Variants in GPC6 observed in about 807,000 individuals in gnomAD.
The protein encoded by GPC6 is glypican-6.
In GPC6, 14 loss-of-function variants were observed where a neutral mutation model predicts 55.2. The observed-to-expected ratio is 0.25, with a 90% CI of 0.17 to 0.40. The LOEUF is 0.40. Among genes scored for constraint, GPC6 ranks in the 10% least tolerant of loss-of-function variants. GPC6 has a pLI of 1.00. For missense variants in GPC6, 641 were observed against 708.5 expected (o/e 0.90, Z 1.08); for synonymous variants, 278 against 259.6 (o/e 1.07, Z -0.68).
intron 1 of GPC6, among the ~76,000 whole-genome samples, chr13:93,381,931 T>A (rs1308926679): frequency 6.6e-6 from 1 of 152,168 alleles, no homozygotes; most frequent in Non-Finnish European, 1.5e-5. Flanking sequence ...AGTATGTTAC[T>A]TTTTAAGATT....
At chr13:93,362,583 G>A (rs1440651613) in intron 1 of GPC6, among the ~76,000 whole-genome samples, 1 of 152,064 alleles carries the variant, frequency 6.6e-6, no homozygotes, top group Non-Finnish European at 1.5e-5. Context: ...CTCGAGTACT[G>A]TCAGGCACTT....
chr13:93,889,092 A>G (rs1875510129), intron 3 of GPC6, among the ~76,000 whole-genome samples: 1 of 152,186 alleles, frequency 6.6e-6, no homozygotes, highest in Admixed American at 6.6e-5. Context: ...TATACTTCTT[A>G]TCACTTTTTA....
chr13:93,636,441 G>A lies in GPC6; in HGVS notation c.319+91020G>A, dbSNP rs74111515. Among the ~76,000 whole-genome samples, 420 of 152,296 alleles carry A rather than the reference G, an allele frequency of 2.8e-3. 3 individuals carry two copies. Among genetic ancestry groups the A allele is most frequent in the African/African-American group, 9.3e-3 (387 of 41,576 alleles). ...ACAGAATTAATCACAAGGAACTGTCGTAGAATGCATGATCACATATCCCTG... is the reference window on the plus strand; with the variant it reads ...ACAGAATTAATCACAAGGAACTGTCATAGAATGCATGATCACATATCCCTG... On this transcript the variant is annotated intron_variant, in intron 2 of 8. Coordinates refer to ENST00000377047, the MANE Select transcript of GPC6 (RefSeq NM_005708.5).
At chr13:94,319,952 A>G (rs1427401295) in intron 6 of GPC6, among the ~76,000 whole-genome samples, 2 of 152,186 alleles carry the variant, frequency 1.3e-5, no homozygotes, top group African/African-American at 4.8e-5. Flanking sequence ...ATGTCTTCAA[A>G]TATTGCTTCA....
intron 3 of GPC6, among the ~76,000 whole-genome samples, chr13:93,882,493 T>C (rs1322385460): frequency 4.6e-5 from 7 of 152,094 alleles, no homozygotes; most frequent in Non-Finnish European, 8.8e-5. Context: ...ATTGTTTATA[T>C]CATACATTAG....
At chr13:93,621,883 C>T (rs1200189425) in intron 2 of GPC6, among the ~76,000 whole-genome samples, 2 of 152,172 alleles carry the variant, frequency 1.3e-5, no homozygotes, top group Non-Finnish European at 2.9e-5. Context: ...TTTCAGTCCT[C>T]TCTTCTGGCA....
rs138240935 is a variant in GPC6, at chr13:93,947,847, G to T, written c.712-79882G>T. On this transcript the variant is annotated intron_variant, in intron 3 of 8. Transcript: ENST00000377047. ...TTTGAGAATTAGCTGGGTCTTAAAA[G>T]AATCTCTTTGTTTCAGCAGAAAATA... Among the ~76,000 whole-genome samples the T allele has an allele frequency of 3.2e-3, 479 of 151,990 alleles. 1 individual carries two copies. The highest frequency in any genetic ancestry group is 0.011 in the African/African-American group (450 of 41,466).
At chr13:93,828,666 T>TAATCCCACAGTTTTTGC (rs1239800528) in intron 2 of GPC6, among the ~76,000 whole-genome samples, 2 of 152,120 alleles carry the variant, frequency 1.3e-5, no homozygotes, top group African/African-American at 4.8e-5. Flanking sequence ...ACAGTATTTG[T>TAATCCCACAGTTTTTGC]AATCCCACAG....
intron 4 of GPC6, among the ~76,000 whole-genome samples, chr13:94,109,652 A>G (rs562288314): frequency 6.6e-6 from 1 of 152,268 alleles, no homozygotes; most frequent in South Asian, 2.1e-4. Context: ...GTCTTTTCGA[A>G]TGTAGTCAGT....
intron 2 of GPC6, among the ~76,000 whole-genome samples, chr13:93,792,400 T>C (rs912570249): frequency 6.6e-6 from 1 of 152,234 alleles, no homozygotes; most frequent in African/African-American, 2.4e-5. Context: ...AGCCTCCGCC[T>C]CCCAGGCTCA....
chr13:93,775,799 CG>C lies in GPC6; in HGVS notation c.320-54354del, dbSNP rs367564170. 2.2e-3 allele frequency among the ~76,000 whole-genome samples: 327 copies of C among 149,482 alleles called. 2 individuals are homozygous for C. Among genetic ancestry groups the C allele is most frequent in the East Asian group, 9.0e-3 (46 of 5,130 alleles). On this transcript the variant is annotated intron_variant, in intron 2 of 8. Transcript: ENST00000377047. ...TCTTAACACCCAAAGCAGAAGTTGG[CG>C]AATGTCGTCTAAACAAACCAATTTC...
chr13:93,746,823 A>C (rs1193931252), intron 2 of GPC6, among the ~76,000 whole-genome samples: 1 of 152,180 alleles, frequency 6.6e-6, no homozygotes, highest in Non-Finnish European at 1.5e-5. Flanking sequence ...CAAGCTGTTA[A>C]AGTGATGGAA....
chr13:93,883,981 A>G (rs1485577700), intron 3 of GPC6, among the ~76,000 whole-genome samples: 3 of 152,180 alleles, frequency 2.0e-5, no homozygotes, highest in Non-Finnish European at 2.9e-5. Flanking sequence ...AAATTGTTAC[A>G]TATAAAATCT....
intron 2 of GPC6, among the ~76,000 whole-genome samples, chr13:93,803,853 T>G (rs1886456600): frequency 6.6e-6 from 1 of 152,032 alleles, no homozygotes; most frequent in African/African-American, 2.4e-5. Context: ...ACTATATTCT[T>G]CCATTTAGTA....
chr13:93,868,387 A>AT (rs1373982946), intron 3 of GPC6, among the ~76,000 whole-genome samples: 4 of 151,836 alleles, frequency 2.6e-5, no homozygotes, highest in Non-Finnish European at 5.9e-5. Flanking sequence ...TTAAGTTAAT[A>AT]ATAATTCAAT....
At position 93,985,220 on chromosome 13, in the gene GPC6, G is replaced by A. The variant is rs887974450; in HGVS notation, c.712-42509G>A. On this transcript the variant is annotated intron_variant, in intron 3 of 8. Coordinates refer to ENST00000377047, the MANE Select transcript of GPC6 (RefSeq NM_005708.5). ...GAGGCCGAGGTGACTGGATCATGAG[G>A]TCAAGAGATCGAGACCATCCTGGCC... Among the ~76,000 whole-genome samples the A allele has an allele frequency of 1.7e-4, 26 of 152,086 alleles. 1 individual carries two copies. The highest frequency in any genetic ancestry group is 7.4e-5 in the Non-Finnish European group (5 of 68,008).
At chr13:93,804,834 A>T (rs1886493192) in intron 2 of GPC6, among the ~76,000 whole-genome samples, 1 of 152,188 alleles carries the variant, frequency 6.6e-6, no homozygotes, top group South Asian at 2.1e-4. Flanking sequence ...TAGCTGCATG[A>T]CGTTGGCACA....
At chr13:94,178,901 G>A (rs899348336) in intron 4 of GPC6, among the ~76,000 whole-genome samples, 13 of 152,202 alleles carry the variant, frequency 8.5e-5, no homozygotes, top group Non-Finnish European at 1.8e-4. Flanking sequence ...GGAGGTACAG[G>A]CACCCAGTAC....
At chr13:93,276,458 C>CAGAGAGAGAGAGAG (rs144297308) in intron 1 of GPC6, among the ~76,000 whole-genome samples, 22 of 117,540 alleles carry the variant, frequency 1.9e-4, no homozygotes, top group African/African-American at 6.5e-4. Flanking sequence ...CTGGCCTTTT[C>CAGAGAGAGAGAGAG]AGAGAGAGAG....
Sources: allele counts gnomAD v4.1 joint callset (sites outside exome capture counted in the v4.1 genomes callset), GRCh38; gene constraint gnomAD v4.1.1; transcripts MANE v1.5; gene names NCBI Gene and HGNC (gene_info 2026-07-23, HGNC 2026-07-21).